The following NCALD variants were observed in gnomAD, a reference collection of about 807,000 sequenced individuals.
NCALD encodes the protein neurocalcin-delta.
Under a neutral mutation model 18.6 loss-of-function variants are expected in NCALD, and 10 were observed. The ratio of observed to expected loss-of-function variants is 0.54; its 90% CI spans 0.33 to 0.91. The LOEUF is 0.91. NCALD is among the 40% of genes least tolerant of loss of function. The pLI is 0.03. For synonymous variants in NCALD, 88 were observed against 87.4 expected (o/e 1.01, Z -0.04); for missense variants, 184 against 247.6 (o/e 0.74, Z 1.72).
intron 4 of NCALD, among the ~76,000 whole-genome samples, chr8:101,804,013 G>T (rs1812965853): frequency 6.6e-6 from 1 of 151,976 alleles, no homozygotes; most frequent in East Asian, 1.9e-4. Context: ...AATAGCCATA[G>T]CCACCCCAAC....
intron 1 of NCALD, among the ~76,000 whole-genome samples, chr8:102,116,620 C>A (rs1285624660): frequency 6.6e-6 from 1 of 152,154 alleles, no homozygotes; most frequent in Non-Finnish European, 1.5e-5. Flanking sequence ...GTAGCTGGAA[C>A]CACGGGTGCA....
chr8:101,738,265 C>T (rs571682530), intron 1 of NCALD, among the ~76,000 whole-genome samples: 10 of 152,196 alleles, frequency 6.6e-5, no homozygotes, highest in South Asian at 6.2e-4. Flanking sequence ...GTCACCCAGC[C>T]GGGCGCAGTG....
intron 2 of NCALD, among the ~76,000 whole-genome samples, chr8:101,930,726 A>C (rs1818542632): frequency 6.6e-6 from 1 of 152,160 alleles, no homozygotes; most frequent in South Asian, 2.1e-4. Flanking sequence ...CTGGAATTGT[A>C]TGGGGTCTTG....
intron 1 of NCALD, among the ~76,000 whole-genome samples, chr8:102,074,481 G>A (rs1363554806): frequency 6.6e-6 from 1 of 152,168 alleles, no homozygotes; most frequent in Non-Finnish European, 1.5e-5. Context: ...TGGTGTGACA[G>A]CTGATTCTGA....
At chr8:101,819,348 T>A (rs2131181887) in intron 4 of NCALD, among the ~76,000 whole-genome samples, 1 of 151,988 alleles carries the variant, frequency 6.6e-6, no homozygotes. Flanking sequence ...TAACATCATT[T>A]GGGTTTTTAT....
At chr8:101,975,733 T>G (rs1407116827) in intron 2 of NCALD, among the ~76,000 whole-genome samples, 1 of 152,190 alleles carries the variant, frequency 6.6e-6, no homozygotes. Context: ...CACATAAATG[T>G]CCTTATTTTA....
rs183286930 is a variant in NCALD, at chr8:101,984,226, T to C, written c.-157+36011A>G. Among the ~76,000 whole-genome samples, 158 of 152,292 alleles carry C rather than the reference T, an allele frequency of 1.0e-3. 2 individuals are homozygous for C. Among genetic ancestry groups the C allele is most frequent in the African/African-American group, 3.6e-3 (150 of 41,552 alleles). On this transcript the variant is annotated intron_variant, in intron 2 of 6. Coordinates refer to the NCALD transcript ENST00000311028. ...AATGCCAAAAACATCCTGTATTCAA[T>C]TAAAATATTATATACCACAATTCCA... is the stretch of plus-strand genomic sequence containing the variant.
chr8:102,076,557 T>C (rs1266069226), intron 1 of NCALD, among the ~76,000 whole-genome samples: 2 of 146,498 alleles, frequency 1.4e-5, no homozygotes, highest in Admixed American at 6.7e-5. Flanking sequence ...CCACAGTTTA[T>C]ATGTGAGAAA....
chr8:101,993,313 G>C (rs1026276705), intron 2 of NCALD, among the ~76,000 whole-genome samples: 2 of 152,002 alleles, frequency 1.3e-5, no homozygotes, highest in African/African-American at 4.8e-5. Flanking sequence ...CAAAGACCTT[G>C]CTGTGCCCAC....
At chr8:101,940,605 G>A (rs139898089) in intron 2 of NCALD, among the ~76,000 whole-genome samples, 61 of 152,286 alleles carry the variant, frequency 4.0e-4, no homozygotes, top group African/African-American at 1.4e-3. Context: ...AGCTGGCACA[G>A]CAGGTTTTGG....
chr8:102,120,315 A>G (rs1188001172), intron 1 of NCALD, among the ~76,000 whole-genome samples: 1 of 152,200 alleles, frequency 6.6e-6, no homozygotes, highest in Non-Finnish European at 1.5e-5. Context: ...AGGATGAAAC[A>G]TGTGACATGT....
At chr8:102,018,247 T>C (rs1362612481) in intron 2 of NCALD, among the ~76,000 whole-genome samples, 2 of 152,316 alleles carry the variant, frequency 1.3e-5, no homozygotes, top group East Asian at 3.9e-4. Flanking sequence ...TCCTAGTAAT[T>C]TACCCAAGAG....
intron 4 of NCALD, among the ~76,000 whole-genome samples, chr8:101,859,644 T>C (rs1309598816): frequency 6.6e-6 from 1 of 152,126 alleles, no homozygotes; most frequent in Non-Finnish European, 1.5e-5. Flanking sequence ...TAAAGAATTT[T>C]GGAGACACAA....
intron 2 of NCALD, among the ~76,000 whole-genome samples, chr8:101,947,384 C>T (rs1819217278): frequency 6.6e-6 from 1 of 152,172 alleles, no homozygotes; most frequent in South Asian, 2.1e-4. Context: ...TGTTCCCACC[C>T]ATTTCTCTCA....
intron 1 of NCALD, among the ~76,000 whole-genome samples, chr8:101,764,456 T>C (rs1232026181): frequency 6.6e-6 from 1 of 152,186 alleles, no homozygotes; most frequent in African/African-American, 2.4e-5. Context: ...TAGTGGCCAC[T>C]GGTGACCTTG....
chr8:101,692,646 G>A, intron 3 of NCALD, 145 bp downstream of exon 3: 1 of 1,389,172 alleles, frequency 7.2e-7, no homozygotes, highest in Non-Finnish European at 9.5e-7. Flanking sequence ...GTGGCCACCT[G>A]GTCCTCTCCC....
intron 4 of NCALD, among the ~76,000 whole-genome samples, chr8:101,839,560 T>C (rs1378966771): frequency 6.6e-6 from 1 of 152,118 alleles, no homozygotes. Context: ...ACCTCCTCAC[T>C]AAAGAATACA....
chr8:102,116,440 TATGTCCAA>T (rs1323894355), intron 1 of NCALD, among the ~76,000 whole-genome samples: 2 of 152,212 alleles, frequency 1.3e-5, no homozygotes, highest in African/African-American at 4.8e-5. Flanking sequence ...CCAAAAAAAG[TATGTCCAA>T]GTGTCCAAGA....
intron 1 of NCALD, among the ~76,000 whole-genome samples, chr8:101,773,829 C>G (rs1477568059): frequency 2.0e-5 from 3 of 152,116 alleles, no homozygotes; most frequent in Non-Finnish European, 4.4e-5. Context: ...CACGTGCTTT[C>G]TCAGAGTGAA....
Sources: gnomAD v4.1 joint callset for allele counts (sites outside exome capture counted in the v4.1 genomes callset) on GRCh38, gnomAD v4.1.1 for gene constraint, MANE v1.5 for transcripts, NCBI Gene and HGNC (gene_info 2026-07-23, HGNC 2026-07-21) for gene names.